The following ZNF487 variants were observed in gnomAD, a reference collection of about 807,000 sequenced individuals.
The protein encoded by ZNF487 is KRAB domain only 1.
ZNF487 carries 4 observed loss-of-function variants against 3.0 expected under a neutral mutation model. The ratio of observed to expected loss-of-function variants is 1.35; its 90% CI spans 0.66 to 3.08. ZNF487 has a LOEUF of 3.08. Ranked by LOEUF, ZNF487 falls within the 30% of genes most tolerant of loss-of-function variation. The pLI, the probability that ZNF487 is intolerant of heterozygous loss-of-function variation, is 0.01. For synonymous variants in ZNF487, 55 were observed against 34.6 expected (o/e 1.59, Z -2.06); for missense variants, 146 against 98.7 (o/e 1.48, Z -2.03).
chr10:43,461,287 G>A lies in ZNF487; in HGVS notation c.-93-14434G>A, dbSNP rs537288240. Among the ~76,000 whole-genome samples the A allele has an allele frequency of 2.6e-4, 39 of 149,626 alleles. No homozygotes were observed. The South Asian group carries it at 7.2e-3, about 28-fold the overall frequency. ...CTCCCAAAGTGTTGGGATTACAGGCGTGAGCCAACATGCCCGGCCCAGTCT... is the reference window on the plus strand; with the variant it reads ...CTCCCAAAGTGTTGGGATTACAGGCATGAGCCAACATGCCCGGCCCAGTCT... On this transcript the variant is annotated intron_variant, in intron 1 of 3. Transcript: ENST00000437590.
At position 43,451,509 on chromosome 10, in the gene ZNF487, T is replaced by C. The variant is rs1840010158; in HGVS notation, c.-94+14247T>C. ...ATCCACCCGCCTTGGCCTCCCAAAG[T>C]GCTGGGATTATAGACTTGAGCCACT... On this transcript the variant is annotated intron_variant, in intron 1 of 3. Coordinates refer to ENST00000437590, the MANE Select transcript of ZNF487 (RefSeq NM_001355444.3). Among the ~76,000 whole-genome samples the C allele has an allele frequency of 1.3e-5, 2 of 151,430 alleles. 1 individual carries two copies. The highest frequency in any genetic ancestry group is 4.9e-5 in the African/African-American group (2 of 41,134).
chr10:43,457,212 C>T (rs1224609019), intron 1 of ZNF487, among the ~76,000 whole-genome samples: 1 of 151,974 alleles, frequency 6.6e-6, no homozygotes, highest in African/African-American at 2.4e-5. Flanking sequence ...AGCCACTGCA[C>T]TCCAGCCTGG....
intron 1 of ZNF487, among the ~76,000 whole-genome samples, chr10:43,458,282 A>G (rs1840295006): frequency 6.6e-6 from 1 of 152,186 alleles, no homozygotes; most frequent in African/African-American, 2.4e-5. Flanking sequence ...ATGAGACATC[A>G]ATATATGTAA....
chr10:43,484,797 T>C (rs1257660816), downstream of ZNF487, among the ~76,000 whole-genome samples: 2 of 152,246 alleles, frequency 1.3e-5, no homozygotes, highest in Non-Finnish European at 2.9e-5. Context: ...GGAAAACAGA[T>C]AAACAGCACA....
Position 43,481,491 on chromosome 10 carries a change from A to C in ZNF487, c.193A>C (p.Lys65Gln). 3 of 717,348 alleles carry C rather than the reference A, an allele frequency of 4.2e-6. No homozygotes were observed. The highest frequency in any genetic ancestry group is 7.8e-6 in the Non-Finnish European group (3 of 385,056). The allele number at this position is 717,348 out of a possible 1,614,324, so 44.4% of individuals were successfully genotyped here. A position where few individuals can be genotyped will look rare whatever the true frequency, so the allele number is the denominator to read the frequency against. ...RQENQDQHLQ[K>Q]VDFVNNKTLT... Reference sequence around the variant, plus strand: ...GGAAAATCAAGACCAGCATTTGCAGAAAGTTGATTTTGTCAACAATAAAAC... The same window carrying C: ...GGAAAATCAAGACCAGCATTTGCAGCAAGTTGATTTTGTCAACAATAAAAC... The change falls in exon 4 of 4, where the codon AAA becomes CAA. Residue 65 changes from lysine (K) to glutamine (Q), a missense_variant. Lys to Gln is a moderately conservative substitution (Grantham distance 53). Coordinates refer to ENST00000437590, the MANE Select transcript of ZNF487 (RefSeq NM_001355444.3).
intron 1 of ZNF487, among the ~76,000 whole-genome samples, chr10:43,443,295 C>T (rs1839683769): frequency 6.6e-6 from 1 of 151,452 alleles, no homozygotes; most frequent in Admixed American, 6.6e-5. Context: ...AACTCCTGAC[C>T]TCAGGTGATC....
At chr10:43,451,607 C>T (rs1840013129) in intron 1 of ZNF487, among the ~76,000 whole-genome samples, 1 of 151,146 alleles carries the variant, frequency 6.6e-6, no homozygotes, top group South Asian at 2.1e-4. Context: ...CTCTTGTTGC[C>T]CAGGCTGGAG....
chr10:43,444,957 C>T (rs1374029982), intron 1 of ZNF487, among the ~76,000 whole-genome samples: 2 of 152,144 alleles, frequency 1.3e-5, no homozygotes, highest in African/African-American at 2.4e-5. Context: ...CCCCCATCCT[C>T]CTTCCAGTTA....
chr10:43,443,665 T>G (rs1839699500), intron 1 of ZNF487, among the ~76,000 whole-genome samples: 1 of 150,612 alleles, frequency 6.6e-6, no homozygotes, highest in Non-Finnish European at 1.5e-5. Context: ...TGAGCCACCA[T>G]GCCCGGCCCG....
intron 3 of ZNF487, among the ~76,000 whole-genome samples, chr10:43,480,541 G>A (rs1014775799): frequency 4.6e-5 from 7 of 151,778 alleles, no homozygotes; most frequent in Non-Finnish European, 8.8e-5. Context: ...TCAGCCTCCC[G>A]AGTAGCTGGG....
At chr10:43,461,415 G>C (rs1840427816) in intron 1 of ZNF487, among the ~76,000 whole-genome samples, 1 of 151,970 alleles carries the variant, frequency 6.6e-6, no homozygotes, top group South Asian at 2.1e-4. Context: ...GAACTCCTGG[G>C]CTCAAGCAAT....
intron 1 of ZNF487, among the ~76,000 whole-genome samples, chr10:43,463,796 T>A (rs924694207): frequency 2.0e-5 from 3 of 152,024 alleles, no homozygotes; most frequent in Middle Eastern, 3.4e-3. Flanking sequence ...GACTTTTTTT[T>A]ATTATCTATT....
At chr10:43,473,943 A>G (rs936710541) in intron 1 of ZNF487, among the ~76,000 whole-genome samples, 2 of 151,564 alleles carry the variant, frequency 1.3e-5, no homozygotes, top group Non-Finnish European at 2.9e-5. Flanking sequence ...GCAGATTGCT[A>G]GAGCCCAGGA....
chr10:43,510,093 T>A, the ZNF487 span, among the ~76,000 whole-genome samples: 1 of 152,126 alleles, frequency 6.6e-6, no homozygotes, highest in African/African-American at 2.4e-5. Flanking sequence ...TGTCACATGA[T>A]AAAGGGAAAG....
At chr10:43,478,066 G>A (rs1349522339) in intron 3 of ZNF487, among the ~76,000 whole-genome samples, 1 of 152,060 alleles carries the variant, frequency 6.6e-6, no homozygotes, top group Non-Finnish European at 1.5e-5. Context: ...TCATAATACA[G>A]TTAAAGGGGC....
the ZNF487 span, among the ~76,000 whole-genome samples, chr10:43,498,865 C>G: frequency 6.6e-6 from 1 of 151,136 alleles, no homozygotes; most frequent in Admixed American, 6.6e-5. Context: ...TGGCGTGAAC[C>G]TGGGAGGTGG....
chr10:43,480,084 C>CTTTCTTTTCTTT (rs1841292475), intron 3 of ZNF487, among the ~76,000 whole-genome samples: 1 of 139,720 alleles, frequency 7.2e-6, no homozygotes, highest in African/African-American at 2.8e-5. Context: ...TTCCTTCCTT[C>CTTTCTTTTCTTT]TTTCTTTTCT....
intron 3 of ZNF487, among the ~76,000 whole-genome samples, chr10:43,476,629 A>G (rs1346268702): frequency 6.6e-6 from 1 of 152,190 alleles, no homozygotes; most frequent in Non-Finnish European, 1.5e-5. Flanking sequence ...AATGAGATGT[A>G]GTGTGTGCTT....
intron 3 of ZNF487, among the ~76,000 whole-genome samples, chr10:43,480,000 T>C (rs1293599425): frequency 2.8e-5 from 2 of 72,546 alleles, no homozygotes; most frequent in Non-Finnish European, 7.8e-5. Context: ...TCTTTCTTTC[T>C]TTCTTTCTTT....
Sources: allele counts gnomAD v4.1 joint callset (sites outside exome capture counted in the v4.1 genomes callset), GRCh38; gene constraint gnomAD v4.1.1; transcripts MANE v1.5; gene names NCBI Gene and HGNC (gene_info 2026-07-23, HGNC 2026-07-21).